Variants in ANKRD44 observed in about 807,000 individuals in gnomAD.
The protein encoded by ANKRD44 is ankyrin repeat domain 44.
In ANKRD44, 35 loss-of-function variants were observed where a neutral mutation model predicts 116.0. The observed-to-expected ratio is 0.30, with a 90% CI of 0.23 to 0.40. The LOEUF (loss-of-function observed/expected upper bound fraction) is 0.40. Ranked by LOEUF, ANKRD44 falls within the 10% of genes least tolerant of loss-of-function variation. The pLI, the probability that ANKRD44 is intolerant of heterozygous loss-of-function variation, is 1.00. For missense variants in ANKRD44, 1,014 were observed against 1,242.6 expected, an observed-to-expected ratio of 0.82 and a Z score of 2.77; for synonymous variants, 435 against 461.8, an observed-to-expected ratio of 0.94 and a Z score of 0.74.
intron 1 of ANKRD44, among the ~76,000 whole-genome samples, chr2:197,249,090 G>C (rs183109387): frequency 6.6e-6 from 1 of 152,208 alleles, no homozygotes. Flanking sequence ...GGGAAACACA[G>C]TGAGACCCCA....
chr2:197,118,764 C>T (rs1026270737), intron 8 of ANKRD44, among the ~76,000 whole-genome samples: 11 of 152,074 alleles, frequency 7.2e-5, no homozygotes, highest in African/African-American at 2.7e-4. Flanking sequence ...TCTGTTTTTG[C>T]ATCATCTACA....
intron 8 of ANKRD44, among the ~76,000 whole-genome samples, chr2:197,118,768 A>G (rs951409461): frequency 6.6e-6 from 1 of 152,198 alleles, no homozygotes; most frequent in Non-Finnish European, 1.5e-5. Flanking sequence ...TTTTTGCATC[A>G]TCTACACACA....
At chr2:197,206,214 T>A (rs1292573512) in intron 1 of ANKRD44, among the ~76,000 whole-genome samples, 1 of 152,178 alleles carries the variant, frequency 6.6e-6, no homozygotes, top group Non-Finnish European at 1.5e-5. Context: ...ATAGAGATGA[T>A]GTTTTTTCAC....
rs146910989 is a variant in ANKRD44, at chr2:197,021,255, C to T, written c.1722+3941G>A. 8.0e-3 allele frequency among the ~76,000 whole-genome samples: 1,220 copies of T among 152,338 alleles called. 43 individuals carry two copies. In the East Asian group the frequency reaches 0.09, roughly 11 times the overall value. ...CTATTGTAAATAGTGCCACAATAAA[C>T]ATACATGTGCATGTGTCTTTCTAGT... is the stretch of plus-strand genomic sequence containing the variant. On this transcript the variant is annotated intron_variant, in intron 17 of 27. Transcript: ENST00000282272.
At chr2:197,306,154 G>A (rs1320939313) in intron 1 of ANKRD44, among the ~76,000 whole-genome samples, 3 of 151,954 alleles carry the variant, frequency 2.0e-5, no homozygotes, top group Non-Finnish European at 2.9e-5. Context: ...GGAGTTCAGG[G>A]AACGCTGTTC....
At chr2:197,180,277 A>ATGTGTT in intron 2 of ANKRD44, among the ~76,000 whole-genome samples, 1 of 152,304 alleles carries the variant, frequency 6.6e-6, no homozygotes, top group South Asian at 2.1e-4. Flanking sequence ...TGGCCCACGG[A>ATGTGTT]TGTGTTTTCT....
At chr2:197,109,628 T>C (rs1194050327) in intron 9 of ANKRD44, among the ~76,000 whole-genome samples, 1 of 152,208 alleles carries the variant, frequency 6.6e-6, no homozygotes, top group Non-Finnish European at 1.5e-5. Context: ...TGGTCCGAAA[T>C]TCTTATAGAT....
chr2:196,998,474 T>C, intron 24 of ANKRD44, 55 bp from the exon 25 acceptor site: 1 of 1,251,164 alleles, frequency 8.0e-7, no homozygotes, highest in Non-Finnish European at 1.2e-6. Flanking sequence ...TTACATGCAT[T>C]TTGAAGAAGT....
intron 6 of ANKRD44, among the ~76,000 whole-genome samples, chr2:197,124,831 T>C (rs1211792130): frequency 2.0e-5 from 3 of 152,198 alleles, no homozygotes; most frequent in Non-Finnish European, 4.4e-5. Context: ...AGGAAAAACG[T>C]AGAAATGTGA....
At chr2:197,204,473 G>A (rs2081162403) in intron 1 of ANKRD44, among the ~76,000 whole-genome samples, 1 of 152,114 alleles carries the variant, frequency 6.6e-6, no homozygotes, top group Non-Finnish European at 1.5e-5. Context: ...GAATAACGAA[G>A]GGTCTGGAAA....
At chr2:197,251,448 C>A (rs1455486997) in intron 1 of ANKRD44, among the ~76,000 whole-genome samples, 1 of 152,184 alleles carries the variant, frequency 6.6e-6, no homozygotes, top group Non-Finnish European at 1.5e-5. Context: ...TCCAAAAGAA[C>A]TGAACTAATT....
At chr2:197,008,839 T>C (rs7565685) in intron 19 of ANKRD44, 105 bp downstream of exon 19, 877,682 of 962,784 alleles carry the variant, frequency 0.91, 400,625 homozygotes, top group East Asian at 1. Context: ...AATATATTCC[T>C]CCAATTTCTC....
At chr2:197,192,241 T>C (rs1026124170) in intron 1 of ANKRD44, among the ~76,000 whole-genome samples, 3 of 152,194 alleles carry the variant, frequency 2.0e-5, no homozygotes, top group Non-Finnish European at 2.9e-5. Context: ...GAGGCTGTCA[T>C]TGAGCATTGG....
intron 16 of ANKRD44, among the ~76,000 whole-genome samples, chr2:197,072,042 GGAAA>G (rs1376688583): frequency 2.7e-4 from 28 of 103,876 alleles, no homozygotes; most frequent in African/African-American, 5.7e-4. Context: ...GATGGAGGGA[GGAAA>G]GAAGGAAGGA....
chr2:197,034,301 C>T (rs886320388), intron 16 of ANKRD44, among the ~76,000 whole-genome samples: 3 of 152,040 alleles, frequency 2.0e-5, no homozygotes, highest in African/African-American at 7.3e-5. Flanking sequence ...TGTAGTTATA[C>T]ATCAGAGAGT....
At chr2:197,152,975 G>A (rs536211200) in intron 2 of ANKRD44, among the ~76,000 whole-genome samples, 4 of 152,194 alleles carry the variant, frequency 2.6e-5, no homozygotes, top group African/African-American at 7.2e-5. Flanking sequence ...CCTGCACTTC[G>A]GGAGGCTGAG....
rs144441788 is a variant in ANKRD44, at chr2:197,217,137, C to CT, written c.28-30032dup. Among the ~76,000 whole-genome samples the CT allele has an allele frequency of 7.7e-3, 1,168 of 152,164 alleles. 18 individuals carry two copies. Among genetic ancestry groups the CT allele is most frequent in the African/African-American group, 0.027 (1,110 of 41,498 alleles). On this transcript the variant is annotated intron_variant, in intron 1 of 27. Coordinates refer to ENST00000282272, the MANE Select transcript of ANKRD44 (RefSeq NM_001195144.2). ...AACAGATAATTTCATTTACTTTCCA[C>CT]TTTTTTTTCATGGTCCAATGATCTC...
At chr2:197,018,605 G>C (rs1053634409) in intron 17 of ANKRD44, among the ~76,000 whole-genome samples, 4 of 152,064 alleles carry the variant, frequency 2.6e-5, no homozygotes, top group Non-Finnish European at 5.9e-5. Flanking sequence ...GCACAAAACT[G>C]ATATCAATGG....
At chr2:197,168,250 C>CA (rs1162055097) in intron 2 of ANKRD44, among the ~76,000 whole-genome samples, 1 of 152,216 alleles carries the variant, frequency 6.6e-6, no homozygotes, top group Non-Finnish European at 1.5e-5. Context: ...TCTTAACCCA[C>CA]AAAATCCATG....
Sources: gnomAD v4.1 joint callset for allele counts (sites outside exome capture counted in the v4.1 genomes callset) on GRCh38, gnomAD v4.1.1 for gene constraint, MANE v1.5 for transcripts, NCBI Gene and HGNC (gene_info 2026-07-23, HGNC 2026-07-21) for gene names.